The following KANSL1 variants were observed in gnomAD, a reference collection of about 807,000 sequenced individuals.
KANSL1 encodes the protein MLL1/MLL complex subunit KANSL1.
A neutral mutation model predicts 103.6 loss-of-function variants in KANSL1; 22 were observed. That is an observed-to-expected ratio of 0.21 (90% CI 0.15 to 0.30). The LOEUF is 0.30. KANSL1 is among the 10% of genes least tolerant of loss of function. The pLI is 1.00. For synonymous variants in KANSL1, 600 were observed against 527.6 expected, an observed-to-expected ratio of 1.14 and a Z score of -1.88; for missense variants, 1,337 against 1,399.8, an observed-to-expected ratio of 0.96 and a Z score of 0.72.
chr17:46,109,098 C>T (rs2042693362), intron 2 of KANSL1, among the ~76,000 whole-genome samples: 1 of 152,150 alleles, frequency 6.6e-6, no homozygotes. Flanking sequence ...CTCAGATGTG[C>T]ACCACCACGC....
intron 7 of KANSL1, 127 bp from the exon 8 acceptor site, chr17:46,040,011 TG>T (rs2077265833): frequency 2.6e-6 from 2 of 768,154 alleles, no homozygotes; most frequent in South Asian, 1.7e-5. Context: ...TGCTGTCATA[TG>T]GAAGATCTGT....
chr17:46,189,089 C>G lies in KANSL1; in HGVS notation c.-90+3734G>C, dbSNP rs75713447. Among the ~76,000 whole-genome samples, 18 of 147,982 alleles carry G rather than the reference C, an allele frequency of 1.2e-4. No homozygotes were observed. The East Asian group carries it at 3.6e-3, about 30-fold the overall frequency. On this transcript the variant is annotated intron_variant, in intron 1 of 14. Transcript: ENST00000432791. Reference sequence around the variant, plus strand: ...AAAGACAAGCAAGGTTATATGCTCCCGTTGCTCAACCTACTCAGGAGGCTA... The same window carrying G: ...AAAGACAAGCAAGGTTATATGCTCCGGTTGCTCAACCTACTCAGGAGGCTA...
intron 4 of KANSL1, among the ~76,000 whole-genome samples, chr17:46,077,628 G>C (rs1327272219): frequency 2.0e-5 from 3 of 152,072 alleles, no homozygotes; most frequent in Admixed American, 2.0e-4. Flanking sequence ...CATGATCTCG[G>C]CTCACTGCAA....
chr17:46,089,322 G>T (rs149084826), intron 3 of KANSL1, among the ~76,000 whole-genome samples: 186 of 152,008 alleles, frequency 1.2e-3, no homozygotes, highest in African/African-American at 4.4e-3. Context: ...TCACAGCTTG[G>T]AAGGTAATAC....
At chr17:46,047,541 C>CT (rs530745394) in intron 7 of KANSL1, among the ~76,000 whole-genome samples, 4 of 152,108 alleles carry the variant, frequency 2.6e-5, no homozygotes, top group Non-Finnish European at 5.9e-5. Flanking sequence ...AATCCCAGCA[C>CT]TTTGAGAGGC....
At chr17:46,120,776 A>G (rs967118538) in intron 2 of KANSL1, among the ~76,000 whole-genome samples, 4 of 152,232 alleles carry the variant, frequency 2.6e-5, no homozygotes, top group African/African-American at 9.6e-5. Flanking sequence ...CATTTACATC[A>G]AGGTTCGCTT....
chr17:46,123,349 C>T (rs1355693039), intron 2 of KANSL1, among the ~76,000 whole-genome samples: 1 of 152,194 alleles, frequency 6.6e-6, no homozygotes, highest in East Asian at 1.9e-4. Flanking sequence ...CACACTCCAG[C>T]CTGGGCGGCA....
chr17:46,058,271 A>T (rs558203373), intron 6 of KANSL1, among the ~76,000 whole-genome samples: 1 of 152,328 alleles, frequency 6.6e-6, no homozygotes, highest in African/African-American at 2.4e-5. Flanking sequence ...TGTGAGCTGA[A>T]ATGGTTTCCA....
At chr17:46,114,283 C>T (rs982533504) in intron 2 of KANSL1, among the ~76,000 whole-genome samples, 24 of 152,282 alleles carry the variant, frequency 1.6e-4, no homozygotes, top group Middle Eastern at 6.8e-3. Flanking sequence ...CGCTTGAACC[C>T]AGGAGGCGGA....
intron 7 of KANSL1, among the ~76,000 whole-genome samples, chr17:46,049,123 T>A (rs1001264779): frequency 6.6e-6 from 1 of 151,986 alleles, no homozygotes; most frequent in Admixed American, 6.6e-5. Flanking sequence ...TCCTGAGTTA[T>A]CTCTATTTTA....
chr17:46,058,374 T>C (rs961789944), intron 6 of KANSL1, among the ~76,000 whole-genome samples: 24 of 152,172 alleles, frequency 1.6e-4, no homozygotes, highest in Non-Finnish European at 3.2e-4. Flanking sequence ...GTTGTGGAGC[T>C]AGACTACTAA....
chr17:46,130,655 G>C (rs1357636174), intron 2 of KANSL1, among the ~76,000 whole-genome samples: 4 of 152,326 alleles, frequency 2.6e-5, no homozygotes, highest in Admixed American at 6.5e-5. Flanking sequence ...CAAACCTAGA[G>C]AGTCAGTTCA....
intron 4 of KANSL1, among the ~76,000 whole-genome samples, chr17:46,068,258 G>C (rs567042032): frequency 6.6e-6 from 1 of 152,062 alleles, no homozygotes; most frequent in African/African-American, 2.4e-5. Context: ...TAAAAACTAT[G>C]CTTTGTTTAA....
intron 2 of KANSL1, among the ~76,000 whole-genome samples, chr17:46,140,773 G>A (rs1301238700): frequency 4.6e-5 from 7 of 152,152 alleles, no homozygotes; most frequent in Non-Finnish European, 7.4e-5. Flanking sequence ...CACCTGAAAC[G>A]ATTATCAGCA....
rs1370362751 is a variant in KANSL1, at chr17:46,172,036, A to G, written c.108T>C (p.Asn36=). 3.1e-6 allele frequency: 5 copies of G among 1,614,192 alleles called. No individual in the cohort carries two copies. The highest frequency in any genetic ancestry group is 3.3e-5 in the Admixed American group (2 of 60,024). The change falls in exon 2 of 15, where the codon AAT becomes AAC. Residue 36 remains asparagine (N), a synonymous_variant. Coordinates refer to ENST00000432791, the MANE Select transcript of KANSL1 (RefSeq NM_015443.4). The part of the protein sequence containing the change: ...SSTLSPGSAE[N]NGNANILIAA... ...CAATAAGGATGTTGGCGTTGCCGTTATTTTCGGCACTGCCAGGGGACAAGG... is the reference window on the plus strand; with the variant it reads ...CAATAAGGATGTTGGCGTTGCCGTTGTTTTCGGCACTGCCAGGGGACAAGG...
chr17:46,052,311 A>T (rs1266465592), intron 6 of KANSL1, among the ~76,000 whole-genome samples: 1 of 152,240 alleles, frequency 6.6e-6, no homozygotes, highest in Non-Finnish European at 1.5e-5. Context: ...GGGACATTTA[A>T]CAACACTACA....
intron 6 of KANSL1, among the ~76,000 whole-genome samples, chr17:46,065,847 A>T (rs2078357825): frequency 6.6e-6 from 1 of 152,152 alleles, no homozygotes; most frequent in Non-Finnish European, 1.5e-5. Context: ...TAGTAATATC[A>T]ATTTAAAAAC....
At chr17:46,167,265 T>C (rs1378173347) in intron 2 of KANSL1, among the ~76,000 whole-genome samples, 1 of 151,548 alleles carries the variant, frequency 6.6e-6, no homozygotes, top group Non-Finnish European at 1.5e-5. Context: ...TTAAACAAAA[T>C]TGCAGGGAAA....
At chr17:46,121,578 T>C (rs1178099934) in intron 2 of KANSL1, among the ~76,000 whole-genome samples, 1 of 150,926 alleles carries the variant, frequency 6.6e-6, no homozygotes, top group East Asian at 1.9e-4. Context: ...TGTTTTCCCC[T>C]GTACTCCTTA....
Sources: allele counts gnomAD v4.1 joint callset (sites outside exome capture counted in the v4.1 genomes callset), GRCh38; gene constraint gnomAD v4.1.1; transcripts MANE v1.5; gene names NCBI Gene and HGNC (gene_info 2026-07-23, HGNC 2026-07-21).